Variants in RUNX2 observed in about 807,000 individuals in gnomAD.
RUNX2 encodes runt-related transcription factor 2.
Under a neutral mutation model 51.7 loss-of-function variants are expected in RUNX2, and 10 were observed. The observed-to-expected ratio is 0.19, with a 90% CI of 0.12 to 0.33. The LOEUF (loss-of-function observed/expected upper bound fraction) is 0.33. Ranked by LOEUF, RUNX2 falls within the 10% of genes least tolerant of loss-of-function variation. The pLI is 1.00. For synonymous variants in RUNX2, 276 were observed against 273.6 expected (o/e 1.01, Z -0.09); for missense variants, 562 against 691.3 (o/e 0.81, Z 2.10).
At chr6:45,362,484 A>G (rs1051220889) in intron 2 of RUNX2, among the ~76,000 whole-genome samples, 2 of 152,222 alleles carry the variant, frequency 1.3e-5, no homozygotes, top group African/African-American at 4.8e-5. Context: ...TGAAATATAC[A>G]TAAGCAAGAA....
chr6:45,346,993 T>C (rs1026314009), intron 2 of RUNX2, among the ~76,000 whole-genome samples: 1 of 152,030 alleles, frequency 6.6e-6, no homozygotes, highest in East Asian at 1.9e-4. Context: ...AAATACTATA[T>C]AAGAAAAGAA....
At chr6:45,411,561 T>C (rs1797951230) in intron 2 of RUNX2, among the ~76,000 whole-genome samples, 1 of 152,226 alleles carries the variant, frequency 6.6e-6, no homozygotes, top group African/African-American at 2.4e-5. Flanking sequence ...TTATGCTTCT[T>C]ATGCATCATA....
chr6:45,396,769 T>A (rs955699228), intron 2 of RUNX2, among the ~76,000 whole-genome samples: 4 of 152,240 alleles, frequency 2.6e-5, no homozygotes, highest in Non-Finnish European at 4.4e-5. Context: ...TGTGGCCATT[T>A]GTGACTGGTG....
intron 5 of RUNX2, among the ~76,000 whole-genome samples, chr6:45,490,749 T>G (rs1273958831): frequency 6.6e-6 from 1 of 152,104 alleles, no homozygotes; most frequent in Non-Finnish European, 1.5e-5. Context: ...ATTCCCTTAG[T>G]TTCTCTTCAA....
chr6:45,499,879 A>G (rs549615872), intron 6 of RUNX2, among the ~76,000 whole-genome samples: 20 of 152,180 alleles, frequency 1.3e-4, no homozygotes, highest in Non-Finnish European at 2.5e-4. Context: ...CCAACACATC[A>G]TCTTTCTCTT....
chr6:45,485,701 A>G (rs868170306), intron 5 of RUNX2, among the ~76,000 whole-genome samples: 7 of 127,220 alleles, frequency 5.5e-5, no homozygotes, highest in East Asian at 4.4e-4. Context: ...GTGTGTGTAT[A>G]TATATATATA....
intron 2 of RUNX2, among the ~76,000 whole-genome samples, chr6:45,414,761 T>C (rs1227307659): frequency 7.6e-6 from 1 of 132,074 alleles, no homozygotes; most frequent in African/African-American, 3.2e-5. Flanking sequence ...TGGCTTTTTT[T>C]TTTTTTTTTT....
In RUNX2 at chr6:45,547,206, C is replaced by T. The variant is rs202246150; in HGVS notation, c.1467C>T (p.Asn489=). The change falls in exon 9 of 9, where the codon AAC becomes AAT. Residue 489 remains asparagine, a synonymous_variant. Coordinates refer to ENST00000647337, the MANE Select transcript of RUNX2 (RefSeq NM_001024630.4). ...CGCTATTAAATCCAAATTTGCCTAA[C>T]CAGAATGATGGTGTTGACGCTGATG... The part of the protein sequence containing the change: ...GSTLLNPNLP[N]QNDGVDADGS... The T allele has an allele frequency of 3.1e-6, 5 of 1,614,054 alleles. No homozygotes were observed. The highest frequency in any genetic ancestry group is 3.4e-6 in the Non-Finnish European group (4 of 1,180,032).
chr6:45,513,655 T>A (rs1801231601), intron 7 of RUNX2: 1 of 151,872 alleles, frequency 6.6e-6, no homozygotes, highest in Non-Finnish European at 1.5e-5. Flanking sequence ...CCCATGGGGG[T>A]GAGTAGGGAA....
intron 7 of RUNX2, among the ~76,000 whole-genome samples, chr6:45,517,023 G>A (rs1801351474): frequency 6.6e-6 from 1 of 151,974 alleles, no homozygotes. Context: ...ACCTAAGTCT[G>A]TACCACTCTT....
intron 2 of RUNX2, among the ~76,000 whole-genome samples, chr6:45,373,576 G>C (rs1260037873): frequency 6.6e-6 from 1 of 152,068 alleles, no homozygotes; most frequent in African/African-American, 2.4e-5. Context: ...TTTTGAGACA[G>C]AGTATTGCTC....
At chr6:45,454,294 T>C (rs1003841662) in intron 5 of RUNX2, among the ~76,000 whole-genome samples, 1 of 152,210 alleles carries the variant, frequency 6.6e-6, no homozygotes, top group Non-Finnish European at 1.5e-5. Flanking sequence ...ATTTCTTTAT[T>C]CTCTTGTTAG....
intron 5 of RUNX2, among the ~76,000 whole-genome samples, chr6:45,484,803 C>T (rs933990808): frequency 1.2e-4 from 19 of 152,206 alleles, no homozygotes; most frequent in Non-Finnish European, 1.5e-5. Context: ...CAAACACACT[C>T]CTTCATGTAG....
At chr6:45,374,765 G>T (rs1397215980) in intron 2 of RUNX2, among the ~76,000 whole-genome samples, 1 of 152,018 alleles carries the variant, frequency 6.6e-6, no homozygotes, top group Admixed American at 6.6e-5. Flanking sequence ...CTTCCAGAGG[G>T]AACCAAAACT....
intron 7 of RUNX2, among the ~76,000 whole-genome samples, chr6:45,541,287 C>T (rs570239008): frequency 6.6e-6 from 1 of 152,036 alleles, no homozygotes; most frequent in East Asian, 1.9e-4. Context: ...TAAGAAACAG[C>T]TAATAATTCA....
intron 5 of RUNX2, among the ~76,000 whole-genome samples, chr6:45,472,361 C>A (rs1048924318): frequency 6.6e-6 from 1 of 152,148 alleles, no homozygotes; most frequent in Non-Finnish European, 1.5e-5. Context: ...AAGTTTCAGT[C>A]AGATGTATAT....
intron 2 of RUNX2, among the ~76,000 whole-genome samples, chr6:45,372,582 C>G (rs1005350110): frequency 1.3e-5 from 2 of 152,150 alleles, no homozygotes; most frequent in South Asian, 4.1e-4. Flanking sequence ...AGTATATTCA[C>G]ATAAATTGTT....
chr6:45,431,716 C>T, intron 3 of RUNX2, 147 bp from the exon 4 acceptor site: 1 of 927,442 alleles, frequency 1.1e-6, no homozygotes, highest in South Asian at 1.4e-5. Context: ...ACAACCCATA[C>T]ACAGATGCTT....
chr6:45,378,661 CTT>C (rs755700159), intron 2 of RUNX2, among the ~76,000 whole-genome samples: 5 of 137,570 alleles, frequency 3.6e-5, no homozygotes, highest in Admixed American at 7.3e-5. Flanking sequence ...TACTTGAAGG[CTT>C]TTTTTTTTTT....
Sources: gnomAD v4.1 joint callset for allele counts (sites outside exome capture counted in the v4.1 genomes callset) on GRCh38, gnomAD v4.1.1 for gene constraint, MANE v1.5 for transcripts, NCBI Gene and HGNC (gene_info 2026-07-23, HGNC 2026-07-21) for gene names.